DPP10: variants seen among roughly 807,000 people sequenced by gnomAD.
The protein encoded by DPP10 is dipeptidyl peptidase like 10.
In DPP10, 33 loss-of-function variants were observed where a neutral mutation model predicts 120.9. The ratio of observed to expected loss-of-function variants is 0.27; its 90% CI spans 0.21 to 0.37. The LOEUF is 0.37. DPP10 is among the 10% of genes least tolerant of loss of function. The pLI is 1.00. For missense variants in DPP10, 816 were observed against 942.8 expected (o/e 0.87, Z 1.76); for synonymous variants, 337 against 326.1 (o/e 1.03, Z -0.36).
intron 5 of DPP10, among the ~76,000 whole-genome samples, chr2:115,683,475 C>T (rs1046282455): frequency 1.3e-5 from 2 of 151,684 alleles, no homozygotes; most frequent in Admixed American, 1.3e-4. Context: ...CAAGAGTAAA[C>T]CCTAGTGTAA....
At chr2:115,609,291 A>T (rs189154534) in intron 5 of DPP10, among the ~76,000 whole-genome samples, 3 of 152,250 alleles carry the variant, frequency 2.0e-5, no homozygotes, top group East Asian at 3.9e-4. Context: ...GACACACAAG[A>T]TCTCAAAACA....
intron 1 of DPP10, among the ~76,000 whole-genome samples, chr2:114,695,311 A>G (rs1368415368): frequency 2.6e-5 from 4 of 152,064 alleles, no homozygotes; most frequent in East Asian, 1.9e-4. Flanking sequence ...TAATAACCAC[A>G]TCTCAGTTCA....
intron 1 of DPP10, among the ~76,000 whole-genome samples, chr2:115,296,160 G>T (rs1347149856): frequency 6.6e-6 from 1 of 152,090 alleles, no homozygotes; most frequent in Non-Finnish European, 1.5e-5. Flanking sequence ...CTCCAGATCA[G>T]ACCCAGGTTT....
At chr2:115,781,064 C>A in intron 16 of DPP10, 69 bp downstream of exon 16, 1 of 1,283,842 alleles carries the variant, frequency 7.8e-7, no homozygotes, top group Non-Finnish European at 1.1e-6. Context: ...CTGTTGGTAT[C>A]AGCAACTATT....
chr2:114,882,230 G>A (rs534234551), intron 1 of DPP10, among the ~76,000 whole-genome samples: 1 of 151,990 alleles, frequency 6.6e-6, no homozygotes, highest in Non-Finnish European at 1.5e-5. Context: ...AGCACAATTA[G>A]CATTTGCAAA....
chr2:114,589,496 T>G (rs1347375813), intron 1 of DPP10, among the ~76,000 whole-genome samples: 1 of 152,138 alleles, frequency 6.6e-6, no homozygotes, highest in Non-Finnish European at 1.5e-5. Context: ...TCCTTTTCCA[T>G]AAAAAAGTGC....
intron 10 of DPP10, among the ~76,000 whole-genome samples, chr2:115,751,814 T>C (rs1266196561): frequency 6.6e-6 from 1 of 151,796 alleles, no homozygotes; most frequent in African/African-American, 2.4e-5. Context: ...TTTTTTTTTT[T>C]TTGAGACAGA....
chr2:115,334,230 G>GTTTTTTTTTTTTTTTTGT, intron 2 of DPP10, among the ~76,000 whole-genome samples: 3 of 56,412 alleles, frequency 5.3e-5, no homozygotes, highest in Non-Finnish European at 1.2e-4. Flanking sequence ...AGCAGACTCT[G>GTTTTTTTTTTTTTTTTGT]TTTTTTTTTT....
At chr2:115,806,169 C>T (rs1305841779) in intron 19 of DPP10, among the ~76,000 whole-genome samples, 1 of 152,094 alleles carries the variant, frequency 6.6e-6, no homozygotes, top group African/African-American at 2.4e-5. Context: ...TTTTTAACAC[C>T]TTAAATTTAT....
chr2:114,728,211 G>A (rs952688803), intron 1 of DPP10, among the ~76,000 whole-genome samples: 1 of 152,194 alleles, frequency 6.6e-6, no homozygotes, highest in African/African-American at 2.4e-5. Context: ...CAGGGAGAAG[G>A]AACATAGCCC....
rs1690541596 is a variant in DPP10 at position 115,845,493 on chromosome 2, T to C, written c.*3148T>C. 6.6e-6 allele frequency: 1 copy of C among 152,210 alleles called. No homozygotes were observed. Among genetic ancestry groups the C allele is most frequent in the African/African-American group, 2.4e-5 (1 of 41,458 alleles). The allele number at this position is 152,210 out of a possible 1,614,324, so 9.4% of individuals were successfully genotyped here. A position where few individuals can be genotyped will look rare whatever the true frequency, so the allele number is the denominator to read the frequency against. On this transcript the variant is annotated 3_prime_UTR_variant, in exon 26 of 26. Transcript: ENST00000410059. ...AGGTAACTGATCTTTCCCTCAGATA[T>C]TCTACATGGTCCATGGAAGACTCTG... is the stretch of plus-strand genomic sequence containing the variant.
intron 1 of DPP10, among the ~76,000 whole-genome samples, chr2:114,894,199 G>T (rs1438731071): frequency 6.6e-6 from 1 of 152,192 alleles, no homozygotes; most frequent in Non-Finnish European, 1.5e-5. Flanking sequence ...ATTCCCCTGT[G>T]CAAGAGATGA....
intron 3 of DPP10, among the ~76,000 whole-genome samples, chr2:115,384,011 G>A (rs940579682): frequency 1.3e-5 from 2 of 152,180 alleles, no homozygotes; most frequent in Non-Finnish European, 2.9e-5. Flanking sequence ...CTGCCTGCAT[G>A]CTTATGTAAG....
chr2:115,429,527 T>C (rs1396179511), intron 3 of DPP10, among the ~76,000 whole-genome samples: 1 of 152,196 alleles, frequency 6.6e-6, no homozygotes, highest in Non-Finnish European at 1.5e-5. Flanking sequence ...ACAGATTTAT[T>C]TTATGTGCTT....
chr2:114,733,276 TC>T (rs1327354751), intron 1 of DPP10, among the ~76,000 whole-genome samples: 1 of 152,128 alleles, frequency 6.6e-6, no homozygotes, highest in Non-Finnish European at 1.5e-5. Context: ...ATCCAAAAAT[TC>T]CTGCTTTCTT....
intron 3 of DPP10, among the ~76,000 whole-genome samples, chr2:115,455,088 C>T (rs2073415793): frequency 6.6e-6 from 1 of 150,690 alleles, no homozygotes; most frequent in African/African-American, 2.4e-5. Flanking sequence ...ACATCACAAA[C>T]TAAGAATATA....
In DPP10 at chr2:114,650,087, G is replaced by A. The variant is rs114559537; in HGVS notation, c.60+207249G>A. Among the ~76,000 whole-genome samples, 169 of 152,132 alleles carry A rather than the reference G, an allele frequency of 1.1e-3. 1 individual carries two copies. The highest frequency in any genetic ancestry group is 1.9e-3 in the Non-Finnish European group (127 of 67,978). Reference sequence around the variant, plus strand: ...TAGGAGATTTCGATCAAGTTTCATCGTCTGATGTTTTGGGCCATAGGGAAC... The same window carrying A: ...TAGGAGATTTCGATCAAGTTTCATCATCTGATGTTTTGGGCCATAGGGAAC... On this transcript the variant is annotated intron_variant, in intron 1 of 25. Transcript: ENST00000410059.
At chr2:114,738,840 C>T (rs1380573174) in intron 1 of DPP10, among the ~76,000 whole-genome samples, 1 of 152,166 alleles carries the variant, frequency 6.6e-6, no homozygotes, top group Non-Finnish European at 1.5e-5. Flanking sequence ...GTCCTGGAAT[C>T]CTTCCGCAAT....
At chr2:115,667,465 T>C (rs2089545834) in intron 5 of DPP10, among the ~76,000 whole-genome samples, 1 of 152,142 alleles carries the variant, frequency 6.6e-6, no homozygotes, top group Non-Finnish European at 1.5e-5. Context: ...TCCAGGATTT[T>C]TATAGTTTCA....
Sources: allele counts gnomAD v4.1 joint callset (sites outside exome capture counted in the v4.1 genomes callset), GRCh38; gene constraint gnomAD v4.1.1; transcripts MANE v1.5; gene names NCBI Gene and HGNC (gene_info 2026-07-23, HGNC 2026-07-21).